GBF1: variants seen among roughly 807,000 people sequenced by gnomAD.
GBF1 encodes golgi brefeldin A resistant guanine nucleotide exchange factor 1.
Under a neutral mutation model 210.5 loss-of-function variants are expected in GBF1, and 114 were observed. That is an observed-to-expected ratio of 0.54 (90% CI 0.47 to 0.63). The LOEUF (loss-of-function observed/expected upper bound fraction) is 0.63, where lower values mean the gene tolerates loss of function less well. Ranked by LOEUF, GBF1 falls within the 30% of genes least tolerant of loss-of-function variation. The pLI, the probability that GBF1 is intolerant of heterozygous loss-of-function variation, is 0.00. For missense variants in GBF1, 1,851 were observed against 2,357.7 expected (o/e 0.79, Z 4.45); for synonymous variants, 850 against 889.2 (o/e 0.96, Z 0.78).
chr10:102,360,041 C>T, intron 11 of GBF1, 143 bp from the exon 12 acceptor site: 1 of 709,256 alleles, frequency 1.4e-6, no homozygotes, highest in Non-Finnish European at 2.6e-6. Flanking sequence ...ACTAGGATTA[C>T]AGGCATGAGC....
Position 102,365,600 on chromosome 10 carries a change from G to A in GBF1, c.2309+1G>A. 1 of 1,613,184 alleles carries A rather than the reference G, an allele frequency of 6.2e-7. No individual in the cohort carries two copies. The highest frequency in any genetic ancestry group is 8.5e-7 in the Non-Finnish European group (1 of 1,179,186). ...TTGACCTGTTGGAGAGCTTTGTGAG[G>A]TGAGGAAGCTGTAAGAAATGTGGGA... On this transcript the variant is annotated splice_donor_variant, in intron 18 of 39. Coordinates refer to ENST00000369983, the MANE Select transcript of GBF1 (RefSeq NM_001377137.1). LOFTEE classifies it high-confidence loss of function.
intron 3 of GBF1, among the ~76,000 whole-genome samples, chr10:102,326,039 G>A (rs1468725513): frequency 6.6e-6 from 1 of 152,176 alleles, no homozygotes; most frequent in Non-Finnish European, 1.5e-5. Context: ...AAAGAACTGT[G>A]GCTCGGAAAA....
intron 29 of GBF1, among the ~76,000 whole-genome samples, chr10:102,371,392 G>A (rs1221221633): frequency 6.6e-6 from 1 of 152,142 alleles, no homozygotes; most frequent in Middle Eastern, 3.2e-3. Context: ...TTTGTATGAT[G>A]AAAACTACAA....
intron 1 of GBF1, among the ~76,000 whole-genome samples, chr10:102,249,031 G>A (rs899939717): frequency 6.6e-6 from 1 of 152,150 alleles, no homozygotes; most frequent in African/African-American, 2.4e-5. Context: ...TATTTTTCAG[G>A]AGAAACTGGA....
chr10:102,379,639 C>T lies in GBF1; in HGVS notation c.4764C>T (p.Ser1588=). 1 of 1,614,030 alleles carries T rather than the reference C, an allele frequency of 6.2e-7. No homozygotes were observed. The highest frequency in any genetic ancestry group is 8.5e-7 in the Non-Finnish European group (1 of 1,179,948). ...AGCTAGATGCCCTGGAATGGGAGTCCTGTTTTAACAAGGTGGGACTTCCTA... is the reference window on the plus strand; with the variant it reads ...AGCTAGATGCCCTGGAATGGGAGTCTTGTTTTAACAAGGTGGGACTTCCTA... The part of the protein sequence containing the change: ...LQKLDALEWE[S]CFNKVLFPLL... The change falls in exon 35 of 40, where the codon TCC becomes TCT. Residue 1588 remains serine, a synonymous_variant. Transcript: ENST00000369983.
At chr10:102,370,942 C>G in intron 29 of GBF1, 82 bp downstream of exon 29, 1 of 1,317,790 alleles carries the variant, frequency 7.6e-7, no homozygotes, top group African/African-American at 1.4e-5. Flanking sequence ...TGGCCTGAGA[C>G]AGAGAGTACA....
chr10:102,357,662 G>C (rs1589762511), intron 8 of GBF1, among the ~76,000 whole-genome samples: 1 of 152,082 alleles, frequency 6.6e-6, no homozygotes, highest in Non-Finnish European at 1.5e-5. Context: ...CTGAGTGTCA[G>C]GGCAAAGGAA....
the GBF1 span, chr10:102,230,652 C>G: frequency 1.6e-4 from 256 of 1,600,976 alleles, no homozygotes; most frequent in East Asian, 5.7e-3. Context: ...TACACGGGTC[C>G]CGATAGACGT....
Position 102,317,285 on chromosome 10 carries a change from T to C in GBF1, c.164-26766T>C, listed in dbSNP as rs902410280. ...GTATCTAAAAAATAATAATAGCCCATGTCTACATAGACTATTATATAAATT... is the reference window on the plus strand; with the variant it reads ...GTATCTAAAAAATAATAATAGCCCACGTCTACATAGACTATTATATAAATT... On this transcript the variant is annotated intron_variant, in intron 3 of 39. Transcript: ENST00000369983. 8.5e-5 allele frequency among the ~76,000 whole-genome samples: 13 copies of C among 152,272 alleles called. No homozygotes were observed. In the South Asian group the frequency reaches 2.5e-3, roughly 29 times the overall value.
intron 4 of GBF1, among the ~76,000 whole-genome samples, chr10:102,350,141 G>A (rs1000784296): frequency 6.6e-6 from 1 of 152,002 alleles, no homozygotes; most frequent in Admixed American, 6.6e-5. Flanking sequence ...CCTGAGGTCG[G>A]GAGTTCGAGA....
At chr10:102,321,915 G>A (rs1342092764) in intron 3 of GBF1, among the ~76,000 whole-genome samples, 1 of 152,142 alleles carries the variant, frequency 6.6e-6, no homozygotes, top group African/African-American at 2.4e-5. Context: ...CTGGAGTACA[G>A]TGGTGCAGTC....
intron 1 of GBF1, among the ~76,000 whole-genome samples, chr10:102,256,780 G>A (rs966704020): frequency 6.6e-6 from 1 of 152,098 alleles, no homozygotes; most frequent in South Asian, 2.1e-4. Context: ...CTGAAGTGCT[G>A]GGATTACAGG....
rs182638332 is a variant in GBF1 at position 102,366,532 on chromosome 10, C to T, written c.2433+26C>T. ...GTGAGTTTGAGTGTCAGGGGCTGAG[C>T]CCAGGATCCAAGGTCAGTTTGACTG... is the stretch of plus-strand genomic sequence containing the variant. On this transcript the variant is annotated intron_variant, in intron 19 of 39. Transcript: ENST00000369983. The surrounding 1 kb of genome is among the most constrained non-coding windows in gnomAD (Gnocchi z 4.0). 172 of 1,608,092 alleles carry T rather than the reference C, an allele frequency of 1.1e-4. No homozygotes were observed. The African/African-American group carries it at 1.9e-3, about 18-fold the overall frequency.
Position 102,382,296 on chromosome 10 carries a change from C to G in GBF1, c.5543C>G (p.Pro1848Arg). Residue 1848 changes from proline to arginine, a missense_variant, in exon 40 of 40, where the codon CCC becomes CGC. Physicochemically the swap from Pro to Arg is moderately radical, Grantham distance 103 (BLOSUM62 -2). Coordinates refer to ENST00000369983, the MANE Select transcript of GBF1 (RefSeq NM_001377137.1). The part of the protein sequence containing the change: ...ATSPVPLLAT[P>R]RPTDPIPTSE... ...TCACCAGTGCCCCTCCTGGCCACACCCCGCCCCACAGATCCCATACCCACC... is the reference window on the plus strand; with the variant it reads ...TCACCAGTGCCCCTCCTGGCCACACGCCGCCCCACAGATCCCATACCCACC... The G allele has an allele frequency of 6.2e-7, 1 of 1,613,646 alleles. No individual in the cohort carries two copies. Among genetic ancestry groups the G allele is most frequent in the Non-Finnish European group, 8.5e-7 (1 of 1,179,748 alleles).
intron 3 of GBF1, among the ~76,000 whole-genome samples, chr10:102,323,896 A>G (rs1275137446): frequency 2.0e-5 from 3 of 152,100 alleles, no homozygotes; most frequent in Non-Finnish European, 4.4e-5. Flanking sequence ...TACCAGACAA[A>G]GAGACAGGTG....
rs994548398 is a variant in GBF1, at chr10:102,366,673, A to AC, written c.2433+173dup. ...GCAGTCTCAGCACACTGCAACCTCC[A>AC]CCCCCCGGGTTCAAGCAATTCTCCT... On this transcript the variant is annotated intron_variant, in intron 19 of 39. Transcript: ENST00000369983. The surrounding 1 kb of genome is among the most constrained non-coding windows in gnomAD (Gnocchi z 4.0). Among the ~76,000 whole-genome samples, 3 of 138,650 alleles carry AC rather than the reference A, an allele frequency of 2.2e-5. No homozygotes were observed. The South Asian group carries it at 7.0e-4, about 32-fold the overall frequency. 91.0% of individuals were successfully genotyped at this position (138,650 alleles called of 152,430 possible). A position where few individuals can be genotyped will look rare whatever the true frequency, so the allele number is the denominator to read the frequency against.
At chr10:102,311,773 CA>C (rs895013601) in intron 3 of GBF1, among the ~76,000 whole-genome samples, 2 of 152,202 alleles carry the variant, frequency 1.3e-5, no homozygotes, top group African/African-American at 2.4e-5. Flanking sequence ...TGAATTTCCC[CA>C]AAGTTGAACT....
In GBF1 at chr10:102,379,412, C is replaced by T. The variant is rs778679012; in HGVS notation, c.4623C>T (p.His1541=). 4.3e-6 allele frequency: 7 copies of T among 1,614,038 alleles called. No individual in the cohort carries two copies. The highest frequency in any genetic ancestry group is 1.6e-4 in the Middle Eastern group (1 of 6,076). ...IEADSRTLWA[H]CWCPLLQGIA... is the part of the protein sequence containing the mutation. Reference sequence around the variant, plus strand: ...CTGATTCTCGCACCCTCTGGGCCCACTGCTGGTGCCCTTTACTGCAGGGTA... The same window carrying T: ...CTGATTCTCGCACCCTCTGGGCCCATTGCTGGTGCCCTTTACTGCAGGGTA... Residue 1541 remains histidine (H), a synonymous_variant, in exon 34 of 40, where the codon CAC becomes CAT. Transcript: ENST00000369983.
chr10:102,329,287 G>A (rs1200612477), intron 3 of GBF1, among the ~76,000 whole-genome samples: 1 of 152,138 alleles, frequency 6.6e-6, no homozygotes, highest in East Asian at 1.9e-4. Context: ...ATCCCTGCCA[G>A]CCTTGTTAAA....
Sources: allele counts gnomAD v4.1 joint callset (sites outside exome capture counted in the v4.1 genomes callset), GRCh38; gene constraint gnomAD v4.1.1; non-coding constraint Gnocchi (gnomAD v3.1); transcripts MANE v1.5; gene names NCBI Gene and HGNC (gene_info 2026-07-23, HGNC 2026-07-21).